Variants in ANK1 observed in about 807,000 individuals in gnomAD.
ANK1 encodes ankyrin-1.
ANK1 carries 51 observed loss-of-function variants against 210.4 expected under a neutral mutation model. The ratio of observed to expected loss-of-function variants is 0.24; its 90% CI spans 0.19 to 0.31. ANK1 has a LOEUF of 0.31. Ranked by LOEUF, ANK1 falls within the 10% of genes least tolerant of loss-of-function variation. ANK1 has a pLI of 1.00. For missense variants in ANK1, 2,051 were observed against 2,504.4 expected, an observed-to-expected ratio of 0.82 and a Z score of 3.86; for synonymous variants, 967 against 1,025.9, an observed-to-expected ratio of 0.94 and a Z score of 1.10.
intron 40 of ANK1, 88 bp downstream of exon 40, chr8:41,663,549 TGTGCTCACCTGCTGTGAGGGCA>T: frequency 9.0e-7 from 1 of 1,107,990 alleles, no homozygotes; most frequent in Middle Eastern, 2.8e-4. Flanking sequence ...CCAGCCTGGC[TGTGCTCACCTGCTGTGAGGGCA>T]GCAGGGAGAA....
intron 1 of ANK1, among the ~76,000 whole-genome samples, chr8:41,864,180 G>A (rs1813842090): frequency 6.6e-6 from 1 of 150,698 alleles, no homozygotes; most frequent in South Asian, 2.1e-4. Context: ...AACCTGGGAG[G>A]TGGAGCTTGT....
At chr8:41,699,348 C>T (rs1446472230) in intron 23 of ANK1, 104 bp downstream of exon 23, 2 of 1,088,364 alleles carry the variant, frequency 1.8e-6, no homozygotes, top group East Asian at 2.4e-5. Context: ...GGCAGCGAGC[C>T]CAGCGCCTGG....
chr8:41,860,787 G>GGGTCCAA lies in ANK1; in HGVS notation c.126+35567_126+35568insTTGGACC, dbSNP rs1813122942. Among the ~76,000 whole-genome samples the GGGTCCAA allele has an allele frequency of 3.3e-5, 5 of 152,286 alleles. No individual in the cohort carries two copies. In the South Asian group the frequency reaches 1.0e-3, roughly 32 times the overall value. On this transcript the variant is annotated intron_variant, in intron 1 of 42. Coordinates refer to the ANK1 transcript ENST00000265709. ...ATTTCCCAGGAAGTGACCCTCTGAG[G>GGGTCCAA]ATTGCTGTGGGGGCCAAATGAAAAA...
intron 30 of ANK1, 40 bp from the exon 31 acceptor site, chr8:41,692,916 C>G (rs1038634295): frequency 1.4e-5 from 22 of 1,591,144 alleles, no homozygotes; most frequent in Middle Eastern, 1.7e-4. Context: ...AAGTGCCCAA[C>G]AGAGAGCATC....
chr8:41,767,003 C>CCGGG (rs963697300), intron 1 of ANK1, among the ~76,000 whole-genome samples: 24 of 152,180 alleles, frequency 1.6e-4, no homozygotes, highest in African/African-American at 5.5e-4. Context: ...CGGCCAGGGC[C>CCGGG]CGGCCCCCCT....
At chr8:41,878,927 G>A (rs781408738) in intron 1 of ANK1, among the ~76,000 whole-genome samples, 10 of 152,132 alleles carry the variant, frequency 6.6e-5, no homozygotes, top group Middle Eastern at 3.2e-3. Flanking sequence ...GCCAGGCATG[G>A]TGGTAGACGC....
At chr8:41,893,489 C>T (rs1819843599) in intron 1 of ANK1, among the ~76,000 whole-genome samples, 1 of 152,190 alleles carries the variant, frequency 6.6e-6, no homozygotes, top group Non-Finnish European at 1.5e-5. Context: ...CTCCTCCACC[C>T]CCCGCACACA....
intron 2 of ANK1, among the ~76,000 whole-genome samples, chr8:41,752,149 C>T (rs1837865418): frequency 1.3e-5 from 2 of 152,226 alleles, no homozygotes; most frequent in South Asian, 4.1e-4. Context: ...GAAATAGTCA[C>T]CTTGACCTTC....
intron 1 of ANK1, among the ~76,000 whole-genome samples, chr8:41,892,433 CTT>C (rs771875168): frequency 2.0e-5 from 3 of 152,208 alleles, no homozygotes; most frequent in Non-Finnish European, 4.4e-5. Flanking sequence ...CCTGGGCTTT[CTT>C]TTCTTTCTTC....
chr8:41,677,682 T>C (rs1018918914), intron 37 of ANK1, among the ~76,000 whole-genome samples: 22 of 151,574 alleles, frequency 1.5e-4, no homozygotes, highest in Admixed American at 4.6e-4. Context: ...CTCTGCCTCC[T>C]GGGCTCAAGC....
chr8:41,684,645 A>G lies in ANK1; in HGVS notation c.4436T>C (p.Ile1479Thr). The G allele has an allele frequency of 1.2e-6, 2 of 1,613,668 alleles. No individual in the cohort carries two copies. Among genetic ancestry groups the G allele is most frequent in the Non-Finnish European group, 1.7e-6 (2 of 1,179,974 alleles). ...TALQSIDRGE[I>T]VNMLEGSGRQ... Reference sequence around the variant, plus strand: ...GCCGGAACCCTCCAGCATGTTCACGATCTCGCCACGGTCAATGCTCTGCAG... The same window carrying G: ...GCCGGAACCCTCCAGCATGTTCACGGTCTCGCCACGGTCAATGCTCTGCAG... The change falls in exon 37 of 43, where the codon ATC becomes ACC. Residue 1479 changes from isoleucine to threonine, a missense_variant. Ile to Thr is a moderately conservative substitution (Grantham distance 89, BLOSUM62 -1). Coordinates refer to ENST00000289734, the MANE Select transcript of ANK1 (RefSeq NM_000037.4).
chr8:41,889,505 A>C (rs1819034115), intron 1 of ANK1, among the ~76,000 whole-genome samples: 1 of 152,368 alleles, frequency 6.6e-6, no homozygotes, highest in African/African-American at 2.4e-5. Flanking sequence ...TGAGAAGAAG[A>C]GTCCAGTCAC....
intron 1 of ANK1, among the ~76,000 whole-genome samples, chr8:41,890,894 T>C (rs1311816790): frequency 4.6e-5 from 7 of 152,188 alleles, no homozygotes; most frequent in Admixed American, 1.3e-4. Flanking sequence ...ACTAGTTAAA[T>C]GTAGCTTTTC....
chr8:41,715,045 G>T lies in ANK1; in HGVS notation c.1632C>A (p.Ala544=), dbSNP rs1199363876. 1 of 1,614,030 alleles carries T rather than the reference G, an allele frequency of 6.2e-7. No homozygotes were observed. The highest frequency in any genetic ancestry group is 1.3e-5 in the African/African-American group (1 of 74,930). Residue 544 remains alanine (A), a synonymous_variant, in exon 15 of 43, where the codon GCC becomes GCA. Transcript: ENST00000289734. ...CTGCCACCCGCACCTTCCCGTACTTGGCCGCCACGTGCAGAGGGGTAAATC... is the reference window on the plus strand; with the variant it reads ...CTGCCACCCGCACCTTCCCGTACTTTGCCGCCACGTGCAGAGGGGTAAATC... ...KKGFTPLHVA[A]KYGKVRVAEL...
rs368057793 is a variant in ANK1, at chr8:41,881,505, T to C, written c.126+14850A>G. 2.1e-4 allele frequency among the ~76,000 whole-genome samples: 32 copies of C among 152,348 alleles called. 1 individual carries two copies. The highest frequency in any genetic ancestry group is 7.2e-4 in the African/African-American group (30 of 41,578). The stretch of plus-strand genomic sequence containing the variant: ...TGTACTCAGGGGGTTTGGATGCTAG[T>C]ACAAGGTGGGGATGCTATTTTATCT... On this transcript the variant is annotated intron_variant, in intron 1 of 42. Coordinates refer to the ANK1 transcript ENST00000265709.
intron 1 of ANK1, among the ~76,000 whole-genome samples, chr8:41,823,836 C>T (rs1804884019): frequency 6.6e-6 from 1 of 152,214 alleles, no homozygotes; most frequent in Admixed American, 6.5e-5. Flanking sequence ...ACCTTCTCCA[C>T]CACCTCCTTC....
intron 35 of ANK1, among the ~76,000 whole-genome samples, chr8:41,686,493 A>G (rs573199075): frequency 1.4e-4 from 21 of 152,338 alleles, no homozygotes; most frequent in African/African-American, 5.0e-4. Context: ...TGTCCCCAGA[A>G]AATGGAAGAA....
intron 30 of ANK1, 39 bp from the exon 31 acceptor site, chr8:41,692,915 A>G (rs940164150): frequency 4.4e-6 from 7 of 1,592,774 alleles, no homozygotes; most frequent in African/African-American, 1.3e-5. Flanking sequence ...CAAGTGCCCA[A>G]CAGAGAGCAT....
chr8:41,726,089 C>A, intron 5 of ANK1, 143 bp from the exon 6 acceptor site: 1 of 901,160 alleles, frequency 1.1e-6, no homozygotes, highest in Non-Finnish European at 1.7e-6. Context: ...TCTTCATCCG[C>A]CAAGTTTAGC....
Sources: allele counts gnomAD v4.1 joint callset (sites outside exome capture counted in the v4.1 genomes callset), GRCh38; gene constraint gnomAD v4.1.1; transcripts MANE v1.5; gene names NCBI Gene and HGNC (gene_info 2026-07-23, HGNC 2026-07-21).